Variants in GBE1 observed in about 807,000 individuals in gnomAD.
GBE1 encodes 1,4-alpha-glucan branching enzyme 1, also known as 1,4-alpha-glucan-branching enzyme.
A neutral mutation model predicts 88.8 loss-of-function variants in GBE1; 70 were observed. The ratio of observed to expected loss-of-function variants is 0.79; its 90% CI spans 0.65 to 0.96. The LOEUF is 0.96. GBE1 is among the 40% of genes least tolerant of loss of function. The pLI is 0.00. For synonymous variants in GBE1, 284 were observed against 300.1 expected, an observed-to-expected ratio of 0.95 and a Z score of 0.56; for missense variants, 872 against 871.0, an observed-to-expected ratio of 1.00 and a Z score of -0.01.
chr3:81,627,955 G>A (rs1303252857), intron 7 of GBE1, among the ~76,000 whole-genome samples: 7 of 151,752 alleles, frequency 4.6e-5, no homozygotes, highest in Non-Finnish European at 1.0e-4. Context: ...GAGCCACATT[G>A]CTTGGCCACA....
chr3:81,501,055 A>G (rs1702579729), intron 14 of GBE1, among the ~76,000 whole-genome samples: 1 of 152,154 alleles, frequency 6.6e-6, no homozygotes, highest in African/African-American at 2.4e-5. Flanking sequence ...AACCCCAACA[A>G]CAGGCAGTTT....
intron 1 of GBE1, among the ~76,000 whole-genome samples, chr3:81,719,351 G>T (rs931348553): frequency 9.2e-5 from 14 of 152,020 alleles, no homozygotes; most frequent in Non-Finnish European, 2.1e-4. Flanking sequence ...CAAGTAGCTG[G>T]GATTACAGGC....
intron 1 of GBE1, 35 bp downstream of exon 1, chr3:81,761,340 C>T (rs760325248): frequency 6.3e-7 from 1 of 1,579,610 alleles, no homozygotes; most frequent in Non-Finnish European, 8.6e-7. Context: ...GGCGGGCTGC[C>T]TGTCTAAGTG....
chr3:81,542,033 T>C (rs1703148876), intron 12 of GBE1, among the ~76,000 whole-genome samples: 1 of 152,086 alleles, frequency 6.6e-6, no homozygotes, highest in African/African-American at 2.4e-5. Flanking sequence ...TGATAAACAT[T>C]GTATTTATTT....
At chr3:81,607,095 T>A (rs1351336693) in intron 7 of GBE1, among the ~76,000 whole-genome samples, 1 of 152,208 alleles carries the variant, frequency 6.6e-6, no homozygotes, top group Non-Finnish European at 1.5e-5. Context: ...TGGTCAATCA[T>A]GCACAGAAAA....
intron 14 of GBE1, among the ~76,000 whole-genome samples, chr3:81,506,973 CT>C (rs1702662976): frequency 6.6e-6 from 1 of 151,936 alleles, no homozygotes; most frequent in Non-Finnish European, 1.5e-5. Context: ...GGGTACTAGG[CT>C]TAATATGTTG....
At chr3:81,568,624 T>C (rs1703529506) in intron 12 of GBE1, among the ~76,000 whole-genome samples, 1 of 152,176 alleles carries the variant, frequency 6.6e-6, no homozygotes, top group South Asian at 2.1e-4. Context: ...GAATGTGTAC[T>C]TAGTAACTAC....
intron 12 of GBE1, among the ~76,000 whole-genome samples, chr3:81,551,170 G>GA (rs1703267910): frequency 6.6e-6 from 1 of 152,142 alleles, no homozygotes; most frequent in South Asian, 2.1e-4. Flanking sequence ...TATAACAGAA[G>GA]AATACAACTT....
At chr3:81,522,688 T>C (rs755905195) in intron 14 of GBE1, among the ~76,000 whole-genome samples, 4 of 151,630 alleles carry the variant, frequency 2.6e-5, no homozygotes, top group Non-Finnish European at 5.9e-5. Flanking sequence ...ATAATGTATG[T>C]GAATTTACTA....
Position 81,586,135 on chromosome 3 carries a change from A to C in GBE1, c.1292T>G (p.Phe431Cys). The change falls in exon 10 of 16, where the codon TTT becomes TGT. Residue 431 changes from phenylalanine (F) to cysteine (C), a missense_variant. By Grantham distance (205) the Phe-to-Cys change is radical. Transcript: ENST00000429644. ...CSPISQGGGG[F>C]DYRLAMAIPD... ...AATTGCCATGGCTAGTCGATAGTCAAAACCACCCCCTCCCTGGGAAATTGG... is the reference window on the plus strand; with the variant it reads ...AATTGCCATGGCTAGTCGATAGTCACAACCACCCCCTCCCTGGGAAATTGG... 6.2e-7 allele frequency: 1 copy of C among 1,610,536 alleles called. No individual in the cohort carries two copies. Among genetic ancestry groups the C allele is most frequent in the Non-Finnish European group, 8.5e-7 (1 of 1,178,718 alleles).
chr3:81,675,005 A>C (rs996334252), intron 2 of GBE1, among the ~76,000 whole-genome samples: 2 of 151,988 alleles, frequency 1.3e-5, no homozygotes, highest in African/African-American at 4.8e-5. Flanking sequence ...GATTTGTTAA[A>C]ATACAGATTG....
intron 1 of GBE1, among the ~76,000 whole-genome samples, chr3:81,719,656 T>C (rs919895814): frequency 1.1e-4 from 17 of 152,220 alleles, no homozygotes; most frequent in Non-Finnish European, 2.2e-4. Flanking sequence ...ACAAATACTT[T>C]TTGAATATAT....
chr3:81,671,801 G>T (rs765745069), intron 2 of GBE1, among the ~76,000 whole-genome samples: 8 of 151,956 alleles, frequency 5.3e-5, no homozygotes, highest in African/African-American at 7.2e-5. Flanking sequence ...AAACTTTTAA[G>T]ACTGATAATT....
At chr3:81,655,075 AT>A (rs757901609) in intron 3 of GBE1, 10 of 152,186 alleles carry the variant, frequency 6.6e-5, no homozygotes, top group Non-Finnish European at 1.5e-4. Flanking sequence ...AAATATTAAA[AT>A]ATTTTTATTT....
intron 10 of GBE1, among the ~76,000 whole-genome samples, chr3:81,584,072 A>G (rs1703766107): frequency 6.6e-6 from 1 of 152,134 alleles, no homozygotes; most frequent in South Asian, 2.1e-4. Context: ...GAATGAGTTC[A>G]TTAGACACAT....
chr3:81,752,664 T>C (rs1403163446), intron 1 of GBE1, among the ~76,000 whole-genome samples: 1 of 152,150 alleles, frequency 6.6e-6, no homozygotes, highest in Admixed American at 6.5e-5. Flanking sequence ...AGGATCAAAG[T>C]TTAAACATAT....
intron 12 of GBE1, among the ~76,000 whole-genome samples, chr3:81,558,593 T>C (rs1255429490): frequency 2.0e-5 from 3 of 152,008 alleles, no homozygotes; most frequent in Admixed American, 6.6e-5. Flanking sequence ...CAAAACAAGA[T>C]AGCAGTTATG....
intron 14 of GBE1, among the ~76,000 whole-genome samples, chr3:81,503,285 T>C (rs1275909143): frequency 2.6e-5 from 4 of 152,006 alleles, no homozygotes; most frequent in East Asian, 1.9e-4. Flanking sequence ...AAAAGCAATA[T>C]GCAATGAGAG....
chr3:81,570,935 G>A (rs1474594408), intron 12 of GBE1, among the ~76,000 whole-genome samples: 1 of 152,076 alleles, frequency 6.6e-6, no homozygotes, highest in African/African-American at 2.4e-5. Context: ...TCTACCAAGT[G>A]CCCTATATAA....
Sources: allele counts gnomAD v4.1 joint callset (sites outside exome capture counted in the v4.1 genomes callset), GRCh38; gene constraint gnomAD v4.1.1; transcripts MANE v1.5; gene names NCBI Gene and HGNC (gene_info 2026-07-23, HGNC 2026-07-21).